The following SLC9C1 variants were observed in gnomAD, a reference collection of about 807,000 sequenced individuals.
SLC9C1 encodes sodium/hydrogen exchanger 10.
Under a neutral mutation model 140.9 loss-of-function variants are expected in SLC9C1, and 97 were observed. The ratio of observed to expected loss-of-function variants is 0.69; its 90% confidence interval spans 0.58 to 0.82. The LOEUF (loss-of-function observed/expected upper bound fraction) is 0.82, where lower values mean the gene tolerates loss of function less well. SLC9C1 is among the 40% of genes least tolerant of loss of function. SLC9C1 has a pLI of 0.00. For missense variants in SLC9C1, 1,340 were observed against 1,389.3 expected, an observed-to-expected ratio of 0.96 and a Z score of 0.56; for synonymous variants, 440 against 442.6, an observed-to-expected ratio of 0.99 and a Z score of 0.07.
chr3:112,253,409 G>A (rs146356627), intron 10 of SLC9C1, among the ~76,000 whole-genome samples: 36 of 152,254 alleles, frequency 2.4e-4, no homozygotes, highest in East Asian at 1.5e-3. Context: ...CAACTGTAAG[G>A]AAATGTAGGG....
chr3:112,201,090 A>T (rs1482088717), intron 18 of SLC9C1, among the ~76,000 whole-genome samples: 1 of 152,052 alleles, frequency 6.6e-6, no homozygotes, highest in East Asian at 1.9e-4. Context: ...TGTCAAAGGG[A>T]GCTAAAATTT....
chr3:112,240,106 T>A, intron 11 of SLC9C1, 100 bp from the exon 12 acceptor site: 1 of 1,111,274 alleles, frequency 9.0e-7, no homozygotes. Context: ...CACTAATCTT[T>A]AAATAAAATT....
chr3:112,190,140 C>T (rs146515723), intron 20 of SLC9C1, among the ~76,000 whole-genome samples: 4,798 of 152,192 alleles, frequency 0.032, 105 homozygotes, highest in Non-Finnish European at 0.047. Context: ...TGGGCTGAGA[C>T]GATGGGGTTT....
intron 20 of SLC9C1, chr3:112,185,814 A>T (rs2077526116): frequency 1.3e-6 from 2 of 1,574,658 alleles, no homozygotes; most frequent in Non-Finnish European, 1.7e-6. Context: ...CTGGTAGCGC[A>T]GGGGAGTGCC....
At chr3:112,168,354 CACACACACACACA>C (rs200994336) in intron 25 of SLC9C1, among the ~76,000 whole-genome samples, 9,447 of 121,024 alleles carry the variant, frequency 0.078, 356 homozygotes, top group East Asian at 0.24. Flanking sequence ...CACACACACA[CACACACACACACA>C]ACTTCTTTCC....
intron 1 of SLC9C1, among the ~76,000 whole-genome samples, chr3:112,291,060 T>A (rs998020223): frequency 2.6e-5 from 4 of 152,204 alleles, no homozygotes; most frequent in Non-Finnish European, 5.9e-5. Flanking sequence ...TTAGTATTGA[T>A]ACATGTGGAT....
chr3:112,155,964 A>G (rs2075115972), intron 26 of SLC9C1, among the ~76,000 whole-genome samples: 1 of 152,102 alleles, frequency 6.6e-6, no homozygotes, highest in African/African-American at 2.4e-5. Context: ...AATCAGAATA[A>G]TTGGGATAAC....
At position 112,270,764 on chromosome 3, in the gene SLC9C1, C is replaced by G. The variant is rs144136758; in HGVS notation, c.614-687G>C. Reference sequence around the variant, plus strand: ...CTGGGAGGCAGAGGTTGTAGTGAGCCGAGATCACACCACTGCACTCCAGCC... The same window carrying G: ...CTGGGAGGCAGAGGTTGTAGTGAGCGGAGATCACACCACTGCACTCCAGCC... On this transcript the variant is annotated intron_variant, in intron 6 of 28. Coordinates refer to ENST00000305815, the MANE Select transcript of SLC9C1 (RefSeq NM_183061.3). Among the ~76,000 whole-genome samples, 834 of 151,716 alleles carry G rather than the reference C, an allele frequency of 5.5e-3. 27 individuals carry two copies. The highest frequency in any genetic ancestry group is 0.043 in the Admixed American group (657 of 15,234).
At chr3:112,261,840 T>C (rs550420751) in intron 10 of SLC9C1, among the ~76,000 whole-genome samples, 2 of 152,084 alleles carry the variant, frequency 1.3e-5, no homozygotes, top group Non-Finnish European at 2.9e-5. Context: ...TTTGTGAAAG[T>C]AGTGTGCTAG....
intron 15 of SLC9C1, among the ~76,000 whole-genome samples, chr3:112,216,577 A>G (rs1266198145): frequency 6.6e-6 from 1 of 151,978 alleles, no homozygotes. Context: ...AAAAGAAGAC[A>G]TTTATGCAGC....
chr3:112,262,824 C>T, intron 10 of SLC9C1, 100 bp downstream of exon 10: 2 of 1,078,794 alleles, frequency 1.9e-6, no homozygotes, highest in Non-Finnish European at 2.5e-6. Context: ...TCCTACATCC[C>T]AAGTGAAGTT....
intron 13 of SLC9C1, among the ~76,000 whole-genome samples, chr3:112,224,349 G>C (rs189338027): frequency 2.4e-4 from 36 of 152,124 alleles, no homozygotes; most frequent in African/African-American, 8.4e-4. Flanking sequence ...ATACAAAATT[G>C]AAAGAGGCAA....
At position 112,217,433 on chromosome 3, in the gene SLC9C1, A is replaced by G; in HGVS notation, c.1790+9T>C. 1 of 1,577,060 alleles carries G rather than the reference A, an allele frequency of 6.3e-7. No homozygotes were observed. Among genetic ancestry groups the G allele is most frequent in the Non-Finnish European group, 8.6e-7 (1 of 1,168,898 alleles). Reference sequence around the variant, plus strand: ...AATAGCATTTCTTATAAGGTTCAAAAGCACTTACTTTGATGGGCCCTCTTT... The same window carrying G: ...AATAGCATTTCTTATAAGGTTCAAAGGCACTTACTTTGATGGGCCCTCTTT... On this transcript the variant is annotated intron_variant, in intron 15 of 28. Coordinates refer to ENST00000305815, the MANE Select transcript of SLC9C1 (RefSeq NM_183061.3).
At chr3:112,250,219 A>G (rs1463674427) in intron 10 of SLC9C1, among the ~76,000 whole-genome samples, 3 of 151,930 alleles carry the variant, frequency 2.0e-5, no homozygotes, top group African/African-American at 7.3e-5. Context: ...AGCTTCATCC[A>G]TGTCCCTACA....
intron 15 of SLC9C1, among the ~76,000 whole-genome samples, chr3:112,216,709 G>T (rs578227455): frequency 1.3e-5 from 2 of 152,136 alleles, no homozygotes; most frequent in African/African-American, 2.4e-5. Context: ...GAAACAACAG[G>T]TGCTGGAGAG....
chr3:112,175,384 T>C (rs1313819034), intron 23 of SLC9C1, among the ~76,000 whole-genome samples: 1 of 152,064 alleles, frequency 6.6e-6, no homozygotes, highest in African/African-American at 2.4e-5. Flanking sequence ...AGGAGGTAGC[T>C]GGAGAACCCG....
chr3:112,160,067 T>C (rs2075247747), intron 26 of SLC9C1, among the ~76,000 whole-genome samples: 1 of 151,990 alleles, frequency 6.6e-6, no homozygotes, highest in Non-Finnish European at 1.5e-5. Flanking sequence ...ACATTCATTG[T>C]TACTACTAAT....
chr3:112,292,087 G>A (rs574742427), intron 1 of SLC9C1, among the ~76,000 whole-genome samples: 15 of 152,310 alleles, frequency 9.8e-5, no homozygotes, highest in Non-Finnish European at 1.8e-4. Context: ...TGGACACATA[G>A]AGGGGAATAC....
intron 1 of SLC9C1, among the ~76,000 whole-genome samples, chr3:112,287,862 T>C (rs968734965): frequency 5.9e-5 from 9 of 151,918 alleles, no homozygotes; most frequent in Non-Finnish European, 1.0e-4. Flanking sequence ...CCTGGTATGG[T>C]GAAACCCGGT....
Sources: allele counts gnomAD v4.1 joint callset (sites outside exome capture counted in the v4.1 genomes callset), GRCh38; gene constraint gnomAD v4.1.1; transcripts MANE v1.5; gene names NCBI Gene and HGNC (gene_info 2026-07-23, HGNC 2026-07-21).